Variants in STXBP5L observed in about 807,000 individuals in gnomAD.
The protein encoded by STXBP5L is syntaxin-binding protein 5-like.
Under a neutral mutation model 144.5 loss-of-function variants are expected in STXBP5L, and 65 were observed. The ratio of observed to expected loss-of-function variants is 0.45; its 90% CI spans 0.37 to 0.55. STXBP5L has a LOEUF of 0.55. STXBP5L is among the 20% of genes least tolerant of loss of function. STXBP5L has a pLI of 0.00. For synonymous variants in STXBP5L, 505 were observed against 469.6 expected, an observed-to-expected ratio of 1.08 and a Z score of -0.97; for missense variants, 1,298 against 1,405.5, an observed-to-expected ratio of 0.92 and a Z score of 1.22.
intron 23 of STXBP5L, among the ~76,000 whole-genome samples, chr3:121,411,100 C>A (rs1488745564): frequency 6.6e-6 from 1 of 152,028 alleles, no homozygotes; most frequent in East Asian, 1.9e-4. Flanking sequence ...CTTTTAATAT[C>A]TTTTTAAGAT....
At chr3:121,016,203 G>T (rs564630394) in intron 3 of STXBP5L, among the ~76,000 whole-genome samples, 1 of 152,200 alleles carries the variant, frequency 6.6e-6, no homozygotes, top group Non-Finnish European at 1.5e-5. Context: ...AAATTACAAG[G>T]CATTCCAAAG....
chr3:120,923,902 A>T (rs1709479606), intron 2 of STXBP5L, among the ~76,000 whole-genome samples: 1 of 152,082 alleles, frequency 6.6e-6, no homozygotes, highest in South Asian at 2.1e-4. Context: ...TTCTGGCTGG[A>T]TGATCTGTCC....
In STXBP5L at chr3:121,216,775, T is replaced by C. The variant is rs143363099; in HGVS notation, c.957-6228T>C. Reference sequence around the variant, plus strand: ...CAGGAATGTTTAAGTCGGCTTAAGCTGCGCCCACAGCCACCCCTCCGCCAG... The same window carrying C: ...CAGGAATGTTTAAGTCGGCTTAAGCCGCGCCCACAGCCACCCCTCCGCCAG... On this transcript the variant is annotated intron_variant, in intron 10 of 26. Coordinates refer to ENST00000471454, the MANE Select transcript of STXBP5L (RefSeq NM_001308330.2). Among the ~76,000 whole-genome samples, 721 of 152,304 alleles carry C rather than the reference T, an allele frequency of 4.7e-3. 6 individuals are homozygous for C. Among genetic ancestry groups the C allele is most frequent in the African/African-American group, 0.017 (697 of 41,556 alleles).
At chr3:121,057,640 G>T (rs536036671) in intron 5 of STXBP5L, among the ~76,000 whole-genome samples, 1 of 151,828 alleles carries the variant, frequency 6.6e-6, no homozygotes, top group Non-Finnish European at 1.5e-5. Context: ...CATCCATGTG[G>T]CATTTAGCTG....
chr3:121,103,585 A>T (rs1484686398), intron 5 of STXBP5L, among the ~76,000 whole-genome samples: 1 of 152,148 alleles, frequency 6.6e-6, no homozygotes, highest in Non-Finnish European at 1.5e-5. Context: ...TTACCTCAGC[A>T]TCACTCAATA....
rs1019882165 is a variant in STXBP5L at position 121,292,645 on chromosome 3, G to T, written c.2110+12689G>T. On this transcript the variant is annotated intron_variant, in intron 19 of 26. Transcript: ENST00000471454. ...CAATAATATGGAACCAACCCAAATGGCCATCAATCAACGAGTGGATAAAGA... is the reference window on the plus strand; with the variant it reads ...CAATAATATGGAACCAACCCAAATGTCCATCAATCAACGAGTGGATAAAGA... Among the ~76,000 whole-genome samples, 17 of 152,106 alleles carry T rather than the reference G, an allele frequency of 1.1e-4. 1 individual carries two copies.
chr3:121,071,192 G>A (rs975862707), intron 5 of STXBP5L, among the ~76,000 whole-genome samples: 3 of 152,148 alleles, frequency 2.0e-5, no homozygotes, highest in African/African-American at 7.2e-5. Flanking sequence ...CTATGCACAG[G>A]CACCCTTCTA....
chr3:120,940,610 A>G (rs1576453219), intron 2 of STXBP5L, among the ~76,000 whole-genome samples: 1 of 149,602 alleles, frequency 6.7e-6, no homozygotes, highest in East Asian at 1.9e-4. Flanking sequence ...AAATCACGTA[A>G]GAAGATGAAA....
Position 121,239,079 on chromosome 3 carries a change from T to C in STXBP5L, c.1293T>C (p.Ser431=), listed in dbSNP as rs1439247867. Residue 431 remains serine (S), a synonymous_variant, in exon 13 of 27, where the codon TCT becomes TCC. Transcript: ENST00000471454. ...CPPDLILVLY[S]IGVKHKKQGY... ...CGGATTTGATTCTAGTACTGTATTC[T>C]ATAGGAGTCAAGCATAAAAAACAAG... The C allele has an allele frequency of 1.2e-6, 2 of 1,601,020 alleles. No homozygotes were observed. The highest frequency in any genetic ancestry group is 1.7e-6 in the Non-Finnish European group (2 of 1,174,390).
At chr3:121,108,977 C>T (rs2043846927) in intron 5 of STXBP5L, among the ~76,000 whole-genome samples, 1 of 152,050 alleles carries the variant, frequency 6.6e-6, no homozygotes. Context: ...TCCATTTCCT[C>T]TGGATTTTCT....
chr3:120,976,092 A>G (rs1179247102), intron 3 of STXBP5L, among the ~76,000 whole-genome samples: 3 of 151,894 alleles, frequency 2.0e-5, no homozygotes, highest in African/African-American at 4.8e-5. Flanking sequence ...CTCTTTTTCT[A>G]TTGATTGGAA....
intron 12 of STXBP5L, among the ~76,000 whole-genome samples, 186 bp downstream of exon 12, chr3:121,233,874 G>A (rs1057170849): frequency 4.6e-5 from 7 of 152,190 alleles, no homozygotes; most frequent in African/African-American, 9.6e-5. Flanking sequence ...AAAATTGTGA[G>A]ACAACTTAAA....
At chr3:121,184,294 A>G (rs994299352) in intron 9 of STXBP5L, among the ~76,000 whole-genome samples, 1 of 133,552 alleles carries the variant, frequency 7.5e-6, no homozygotes, top group African/African-American at 2.8e-5. Context: ...TTCTAACCCA[A>G]TGTAAGGAAG....
intron 9 of STXBP5L, among the ~76,000 whole-genome samples, chr3:121,183,216 G>A (rs1184685952): frequency 1.3e-5 from 2 of 152,150 alleles, no homozygotes; most frequent in East Asian, 1.9e-4. Context: ...GAAAGCATTC[G>A]CCCTGAAAAC....
intron 20 of STXBP5L, among the ~76,000 whole-genome samples, chr3:121,378,218 A>G (rs1353436566): frequency 6.6e-6 from 1 of 152,056 alleles, no homozygotes; most frequent in Non-Finnish European, 1.5e-5. Context: ...TACCTAATGC[A>G]TGTGGGGGTT....
chr3:121,112,270 C>T lies in STXBP5L; in HGVS notation c.471-2655C>T, dbSNP rs189880947. 1.2e-3 allele frequency among the ~76,000 whole-genome samples: 189 copies of T among 152,106 alleles called. 1 individual carries two copies. The highest frequency in any genetic ancestry group is 4.1e-3 in the African/African-American group (171 of 41,502). Reference sequence around the variant, plus strand: ...CAGCTCTGTTCTTGGGACCCAAGGCCCTGGTCACATAGGCTCACAAAGGGG... The same window carrying T: ...CAGCTCTGTTCTTGGGACCCAAGGCTCTGGTCACATAGGCTCACAAAGGGG... On this transcript the variant is annotated intron_variant, in intron 5 of 26. Coordinates refer to ENST00000471454, the MANE Select transcript of STXBP5L (RefSeq NM_001308330.2).
chr3:121,051,117 C>T (rs1947949485), intron 5 of STXBP5L, among the ~76,000 whole-genome samples: 1 of 152,184 alleles, frequency 6.6e-6, no homozygotes, highest in Non-Finnish European at 1.5e-5. Flanking sequence ...GAGACTTAGA[C>T]TCCCACACAA....
At chr3:121,203,061 C>CT (rs1046605062) in intron 9 of STXBP5L, among the ~76,000 whole-genome samples, 1 of 142,404 alleles carries the variant, frequency 7.0e-6, no homozygotes, top group Non-Finnish European at 1.6e-5. Flanking sequence ...CTCCTTCATT[C>CT]TTTTTTTCTG....
At position 121,259,120 on chromosome 3, in the gene STXBP5L, A is replaced by C; in HGVS notation, c.1910A>C (p.Glu637Ala). 6.2e-7 allele frequency: 1 copy of C among 1,601,844 alleles called. No individual in the cohort carries two copies. Among genetic ancestry groups the C allele is most frequent in the South Asian group, 1.1e-5 (1 of 88,712 alleles). The change falls in exon 18 of 27, where the codon GAA (glutamate) becomes GCA (alanine). Residue 637 changes from glutamate (E) to alanine (A), a missense_variant. Glu to Ala is a moderately radical substitution (Grantham distance 107). Transcript: ENST00000471454. The part of the protein sequence containing the change: ...LVIQLVWVDG[E>A]PPQQITSLAV... The stretch of plus-strand genomic sequence containing the variant: ...ATTCAATTGGTGTGGGTAGATGGTG[A>C]ACCTCCACAACAGATTACTAGTCTT...
Sources: gnomAD v4.1 joint callset for allele counts (sites outside exome capture counted in the v4.1 genomes callset) on GRCh38, gnomAD v4.1.1 for gene constraint, MANE v1.5 for transcripts, NCBI Gene and HGNC (gene_info 2026-07-23, HGNC 2026-07-21) for gene names.